The following ERBIN variants were observed in gnomAD, a reference collection of about 807,000 sequenced individuals.
ERBIN encodes the protein densin-180-like protein.
In ERBIN, 60 loss-of-function variants were observed where a neutral mutation model predicts 158.4. That is an observed-to-expected ratio of 0.38 (90% confidence interval 0.31 to 0.47). The LOEUF is 0.47. ERBIN is among the 20% of genes least tolerant of loss of function. ERBIN has a pLI of 0.99. For synonymous variants in ERBIN, 594 were observed against 557.2 expected (o/e 1.07, Z -0.93); for missense variants, 1,610 against 1,648.0 (o/e 0.98, Z 0.40).
In ERBIN at chr5:66,081,106, T is replaced by C. The variant is rs1191417694; in HGVS notation, c.*2576T>C. 1.3e-5 allele frequency: 2 copies of C among 151,984 alleles called. No individual in the cohort carries two copies. Among genetic ancestry groups the C allele is most frequent in the Non-Finnish European group, 2.9e-5 (2 of 67,862 alleles). 9.4% of individuals were successfully genotyped at this position (151,984 alleles called of 1,614,324 possible). On this transcript the variant is annotated 3_prime_UTR_variant, in exon 26 of 26. Coordinates refer to ENST00000284037, the MANE Select transcript of ERBIN (RefSeq NM_001253697.2). ...ACCCATAACTAACTTTAGTAAGTAT[T>C]ATATAGCAATTCATCAAAACCACAA...
rs191537369 is a variant in ERBIN, at chr5:65,951,996, T to C, written c.-58+25190T>C. 2.4e-3 allele frequency among the ~76,000 whole-genome samples: 373 copies of C among 152,332 alleles called. 3 individuals are homozygous for C. The highest frequency in any genetic ancestry group is 2.9e-3 in the Non-Finnish European group (195 of 68,032). ...TGGATTTACTTTGCAAGTTTGAATC[T>C]GCATTTATAGATTTTCTGCTTGTGT... On this transcript the variant is annotated intron_variant, in intron 1 of 25. Transcript: ENST00000284037.
At chr5:66,038,662 A>G (rs1431326392) in intron 15 of ERBIN, among the ~76,000 whole-genome samples, 180 bp downstream of exon 15, 3 of 152,114 alleles carry the variant, frequency 2.0e-5, no homozygotes, top group Non-Finnish European at 2.9e-5. Context: ...ATTTAGAAGT[A>G]TAAGTGTAGC....
intron 1 of ERBIN, among the ~76,000 whole-genome samples, chr5:65,953,249 C>T (rs1294560598): frequency 6.6e-6 from 1 of 152,184 alleles, no homozygotes; most frequent in East Asian, 1.9e-4. Context: ...GATACACAGT[C>T]TAGTTGGTAT....
chr5:65,989,461 T>C (rs1751632416), intron 2 of ERBIN, among the ~76,000 whole-genome samples: 1 of 152,214 alleles, frequency 6.6e-6, no homozygotes, highest in South Asian at 2.1e-4. Flanking sequence ...AAAGTTTTCC[T>C]TTGAGATTTC....
At chr5:65,945,974 GTTT>G in intron 1 of ERBIN, among the ~76,000 whole-genome samples, 1 of 152,208 alleles carries the variant, frequency 6.6e-6, no homozygotes, top group South Asian at 2.1e-4. Context: ...AGGATCACCT[GTTT>G]TTTATTTTTA....
At chr5:65,927,176 G>C (rs1742758379) in intron 1 of ERBIN, among the ~76,000 whole-genome samples, 1 of 152,136 alleles carries the variant, frequency 6.6e-6, no homozygotes, top group Non-Finnish European at 1.5e-5. Context: ...CTTCTGTTTG[G>C]GAAGAAAGTT....
rs769345456 is a variant in ERBIN, at chr5:66,076,298, A to C, written c.3964-18A>C. ...TTTTCTGAAATAGTAAGTTTCCTTT[A>C]TTTTCATATTAACTCAGATTCGAGT... On this transcript the variant is annotated intron_variant, in intron 23 of 25. Coordinates refer to ENST00000284037, the MANE Select transcript of ERBIN (RefSeq NM_001253697.2). 1 of 1,594,980 alleles carries C rather than the reference A, an allele frequency of 6.3e-7. No individual in the cohort carries two copies. Among genetic ancestry groups the C allele is most frequent in the South Asian group, 1.1e-5 (1 of 88,086 alleles).
At chr5:66,026,475 AG>A in intron 13 of ERBIN, 58 bp downstream of exon 13, 1 of 918,984 alleles carries the variant, frequency 1.1e-6, no homozygotes, top group Non-Finnish European at 1.6e-6. Flanking sequence ...GATGAAATTA[AG>A]TTTCATATGA....
rs1202011095 is a variant in ERBIN at position 65,999,095 on chromosome 5, G to A, written c.307+4231G>A. On this transcript the variant is annotated intron_variant, in intron 4 of 25. Coordinates refer to ENST00000284037, the MANE Select transcript of ERBIN (RefSeq NM_001253697.2). ...ATATAAAATGTCTTTTTGGCTGTGCGTGGTGGCTCACCCCTGTAATCCCAG... is the reference window on the plus strand; with the variant it reads ...ATATAAAATGTCTTTTTGGCTGTGCATGGTGGCTCACCCCTGTAATCCCAG... Among the ~76,000 whole-genome samples the A allele has an allele frequency of 2.6e-5, 4 of 151,828 alleles. No homozygotes were observed. The East Asian group carries it at 7.8e-4, about 30-fold the overall frequency.
chr5:65,950,517 A>G (rs1381964740), intron 1 of ERBIN, among the ~76,000 whole-genome samples: 1 of 152,190 alleles, frequency 6.6e-6, no homozygotes, highest in Non-Finnish European at 1.5e-5. Context: ...TATTAACATT[A>G]TTTATTACCA....
At chr5:66,019,154 ACTT>A (rs1755417582) in intron 7 of ERBIN, among the ~76,000 whole-genome samples, 1 of 151,984 alleles carries the variant, frequency 6.6e-6, no homozygotes, top group Middle Eastern at 3.2e-3. Flanking sequence ...ACTAATTTTG[ACTT>A]CTTATTTTCC....
At chr5:66,024,048 T>C (rs1755985562) in intron 9 of ERBIN, among the ~76,000 whole-genome samples, 1 of 152,204 alleles carries the variant, frequency 6.6e-6, no homozygotes, top group Non-Finnish European at 1.5e-5. Flanking sequence ...CCATATATGC[T>C]ATTTCCTTAG....
At chr5:65,976,661 C>T (rs553652004) in intron 1 of ERBIN, among the ~76,000 whole-genome samples, 2 of 151,326 alleles carry the variant, frequency 1.3e-5, no homozygotes, top group African/African-American at 4.9e-5. Context: ...GAGGACCCTG[C>T]GGCCTTCCGC....
At chr5:65,988,452 C>T (rs190382836) in intron 1 of ERBIN, among the ~76,000 whole-genome samples, 183 bp from the exon 2 acceptor site, 1 of 150,318 alleles carries the variant, frequency 6.7e-6, no homozygotes, top group Non-Finnish European at 1.5e-5. Context: ...CTTGTGTGTA[C>T]GTTTTTAAGA....
intron 21 of ERBIN, among the ~76,000 whole-genome samples, chr5:66,069,675 C>A (rs16894849): frequency 0.018 from 2,671 of 152,128 alleles, 82 homozygotes; most frequent in African/African-American, 0.062. Flanking sequence ...ATTTTTTTCC[C>A]ATAACAACTT....
chr5:65,935,985 C>G (rs251321), intron 1 of ERBIN, among the ~76,000 whole-genome samples: 73,118 of 152,004 alleles, frequency 0.48, 19,494 homozygotes, highest in Non-Finnish European at 0.61. Flanking sequence ...CTCGAACCTC[C>G]CAAAGTACTG....
intron 1 of ERBIN, among the ~76,000 whole-genome samples, chr5:65,987,367 T>TACACACACACAC (rs56222591): frequency 0.044 from 5,961 of 135,692 alleles, 176 homozygotes; most frequent in African/African-American, 0.058. Context: ...AGAGACTGTC[T>TACACACACACAC]ACACACACAC....
At chr5:65,934,272 C>CA (rs1743807354) in intron 1 of ERBIN, among the ~76,000 whole-genome samples, 2 of 152,210 alleles carry the variant, frequency 1.3e-5, no homozygotes, top group African/African-American at 4.8e-5. Context: ...TCATTACCAT[C>CA]AAAATCAGAA....
At chr5:65,993,560 T>C (rs1752110545) in intron 3 of ERBIN, among the ~76,000 whole-genome samples, 1 of 152,176 alleles carries the variant, frequency 6.6e-6, no homozygotes. Flanking sequence ...ATTTTCCCTC[T>C]CATTATCCTA....
Sources: allele counts gnomAD v4.1 joint callset (sites outside exome capture counted in the v4.1 genomes callset), GRCh38; gene constraint gnomAD v4.1.1; transcripts MANE v1.5; gene names NCBI Gene and HGNC (gene_info 2026-07-23, HGNC 2026-07-21).